TTC33: variants seen among roughly 807,000 people sequenced by gnomAD.
TTC33 encodes tetratricopeptide repeat protein 33.
In TTC33, 24 loss-of-function variants were observed where a neutral mutation model predicts 29.4. The observed-to-expected ratio is 0.82, with a 90% CI of 0.59 to 1.15. The LOEUF is 1.15. Ranked by LOEUF, TTC33 falls within the 50% of genes most tolerant of loss-of-function variation. The probability of loss-of-function intolerance (pLI) is 0.00; values close to 1 mark genes in which losing one functional copy is unlikely to be tolerated. For missense variants in TTC33, 286 were observed against 310.4 expected (o/e 0.92, Z 0.59); for synonymous variants, 107 against 100.3 (o/e 1.07, Z -0.40).
At chr5:40,744,971 T>C (rs769070842) in intron 2 of TTC33, among the ~76,000 whole-genome samples, 82 of 152,076 alleles carry the variant, frequency 5.4e-4, no homozygotes, top group Admixed American at 1.2e-3. Flanking sequence ...GCCAAAAATA[T>C]TTAGACTCAA....
intron 2 of TTC33, among the ~76,000 whole-genome samples, chr5:40,741,606 C>T (rs1250614304): frequency 6.6e-6 from 1 of 152,206 alleles, no homozygotes; most frequent in Non-Finnish European, 1.5e-5. Context: ...AAAGTCCAAT[C>T]TCCATCTCCT....
chr5:40,729,664 A>T (rs1015599992), intron 3 of TTC33, among the ~76,000 whole-genome samples: 1 of 152,068 alleles, frequency 6.6e-6, no homozygotes, highest in Non-Finnish European at 1.5e-5. Context: ...TTTTTCATCT[A>T]AGAGCTCAAC....
intron 4 of TTC33, among the ~76,000 whole-genome samples, chr5:40,723,650 A>G (rs1742209503): frequency 6.6e-6 from 1 of 152,188 alleles, no homozygotes; most frequent in African/African-American, 2.4e-5. Flanking sequence ...GGATCACCTG[A>G]GACCAGGAGT....
chr5:40,726,065 T>C (rs976745128), intron 4 of TTC33, among the ~76,000 whole-genome samples: 1 of 151,544 alleles, frequency 6.6e-6, no homozygotes, highest in African/African-American at 2.4e-5. Context: ...GATTACAGAC[T>C]TGAGCCACCG....
rs1241548523 is a variant in TTC33, at chr5:40,714,085, C to T, written c.*2060G>A. On this transcript the variant is annotated 3_prime_UTR_variant, in exon 5 of 5. Transcript: ENST00000337702. ...CTACCATGCCAGTACAGAGGAAACA[C>T]TAGGTTCTTATAACAGGGCCTAGTG... is the stretch of plus-strand genomic sequence containing the variant. 6.6e-6 allele frequency among the ~76,000 whole-genome samples: 1 copy of T among 152,174 alleles called. No homozygotes were observed. Among genetic ancestry groups the T allele is most frequent in the Non-Finnish European group, 1.5e-5 (1 of 68,022 alleles).
In TTC33 at chr5:40,716,394, T is replaced by C; in HGVS notation, c.540A>G (p.Val180=). 1 of 1,614,060 alleles carries C rather than the reference T, an allele frequency of 6.2e-7. No homozygotes were observed. Among genetic ancestry groups the C allele is most frequent in the Non-Finnish European group, 8.5e-7 (1 of 1,180,042 alleles). ...CTTCACTTTTTTTAATCCTCTGTGC[T>C]ACCTTCTGCTGCTCCTGGAGCGTTC... The part of the protein sequence containing the change: ...WARTLQEQQK[V]AQRIKKSEAP... The change falls in exon 5 of 5, where the codon GTA becomes GTG. Residue 180 remains valine (V), a synonymous_variant. Transcript: ENST00000337702.
chr5:40,730,943 G>A (rs1244639656), intron 2 of TTC33, among the ~76,000 whole-genome samples: 1 of 152,016 alleles, frequency 6.6e-6, no homozygotes, highest in African/African-American at 2.4e-5. Context: ...AATAAATTTA[G>A]TACTGTGGTG....
At chr5:40,722,296 T>C (rs1244239513) in intron 4 of TTC33, among the ~76,000 whole-genome samples, 1 of 152,156 alleles carries the variant, frequency 6.6e-6, no homozygotes, top group Non-Finnish European at 1.5e-5. Context: ...CCTCCCAAAG[T>C]GCCGAGATTG....
chr5:40,734,880 C>T lies in TTC33; in HGVS notation c.222-4537G>A, dbSNP rs552450485. 6.6e-5 allele frequency among the ~76,000 whole-genome samples: 10 copies of T among 152,190 alleles called. No homozygotes were observed. In the East Asian group the frequency reaches 1.5e-3, roughly 23 times the overall value. ...TAACAAACAGTTAAAATATAAGTGC[C>T]GTGATAAAAGACAAATGGAGGAATG... On this transcript the variant is annotated intron_variant, in intron 2 of 4. Coordinates refer to ENST00000337702, the MANE Select transcript of TTC33 (RefSeq NM_012382.3).
intron 1 of TTC33, among the ~76,000 whole-genome samples, chr5:40,754,884 C>T (rs1019293052): frequency 2.0e-5 from 3 of 152,154 alleles, no homozygotes; most frequent in Non-Finnish European, 4.4e-5. Flanking sequence ...TTTATTGTTC[C>T]TCTATGACTA....
intron 4 of TTC33, among the ~76,000 whole-genome samples, chr5:40,722,962 G>T (rs1742183473): frequency 6.6e-6 from 1 of 152,204 alleles, no homozygotes; most frequent in Non-Finnish European, 1.5e-5. Context: ...TTGAGAGCGG[G>T]CCATGATGAC....
At chr5:40,742,505 A>G (rs896685316) in intron 2 of TTC33, among the ~76,000 whole-genome samples, 1 of 152,230 alleles carries the variant, frequency 6.6e-6, no homozygotes, top group Non-Finnish European at 1.5e-5. Context: ...AAGCTGGTCA[A>G]CAGCAGAACT....
chr5:40,747,484 C>A (rs1742818592), intron 1 of TTC33, among the ~76,000 whole-genome samples: 1 of 152,162 alleles, frequency 6.6e-6, no homozygotes, highest in Admixed American at 6.5e-5. Flanking sequence ...CCACTAACAT[C>A]ACTAAGAAAG....
At position 40,716,381 on chromosome 5, in the gene TTC33, T is replaced by G. The variant is rs1206230762; in HGVS notation, c.553A>C (p.Lys185Gln). The change falls in exon 5 of 5, where the codon AAA becomes CAA. Residue 185 changes from lysine to glutamine, a missense_variant. Coordinates refer to ENST00000337702, the MANE Select transcript of TTC33 (RefSeq NM_012382.3). Reference protein sequence around the residue: ...QEQQKVAQRIKKSEAPAEVTH... With the variant: ...QEQQKVAQRIQKSEAPAEVTH... ...ACTTCAGCTGGTGCTTCACTTTTTT[T>G]AATCCTCTGTGCTACCTTCTGCTGC... 6.2e-7 allele frequency: 1 copy of G among 1,614,130 alleles called. No individual in the cohort carries two copies. The highest frequency in any genetic ancestry group is 1.7e-5 in the Admixed American group (1 of 60,032).
At chr5:40,721,362 A>C (rs189464602) in intron 4 of TTC33, among the ~76,000 whole-genome samples, 3 of 152,336 alleles carry the variant, frequency 2.0e-5, no homozygotes, top group African/African-American at 7.2e-5. Flanking sequence ...AATATATTAC[A>C]AAGTGACAGC....
intron 4 of TTC33, among the ~76,000 whole-genome samples, chr5:40,724,116 A>C (rs1375729352): frequency 6.6e-6 from 1 of 152,242 alleles, no homozygotes; most frequent in Non-Finnish European, 1.5e-5. Flanking sequence ...CAATATGTAG[A>C]AACAACCTAA....
At chr5:40,748,086 C>CT (rs1324648218) in intron 1 of TTC33, among the ~76,000 whole-genome samples, 5 of 152,182 alleles carry the variant, frequency 3.3e-5, no homozygotes, top group Non-Finnish European at 7.3e-5. Flanking sequence ...CTCGGCCTCC[C>CT]AAAGTTCTGA....
At chr5:40,724,685 TA>T (rs1240111810) in intron 4 of TTC33, among the ~76,000 whole-genome samples, 1 of 151,774 alleles carries the variant, frequency 6.6e-6, no homozygotes, top group Non-Finnish European at 1.5e-5. Flanking sequence ...ATAAAGCTCA[TA>T]AACAAACTTT....
At chr5:40,738,163 G>C (rs751593491) in intron 2 of TTC33, among the ~76,000 whole-genome samples, 6 of 152,120 alleles carry the variant, frequency 3.9e-5, no homozygotes, top group Non-Finnish European at 8.8e-5. Context: ...TGTAATCCCA[G>C]CACTTTGGGA....
Sources: gnomAD v4.1 joint callset for allele counts (sites outside exome capture counted in the v4.1 genomes callset) on GRCh38, gnomAD v4.1.1 for gene constraint, MANE v1.5 for transcripts, NCBI Gene and HGNC (gene_info 2026-07-23, HGNC 2026-07-21) for gene names.